CDH2: variants seen among roughly 807,000 people sequenced by gnomAD.
CDH2 encodes the protein cadherin-2.
A neutral mutation model predicts 92.0 loss-of-function variants in CDH2; 17 were observed. That is an observed-to-expected ratio of 0.18 (90% CI 0.13 to 0.28). CDH2 has a LOEUF of 0.28. Ranked by LOEUF, CDH2 falls within the 10% of genes least tolerant of loss-of-function variation. The probability of loss-of-function intolerance (pLI) is 1.00; values close to 1 mark genes in which losing one functional copy is unlikely to be tolerated. For synonymous variants in CDH2, 419 were observed against 415.9 expected (o/e 1.01, Z -0.09); for missense variants, 862 against 1,133.1 (o/e 0.76, Z 3.44).
intron 2 of CDH2, among the ~76,000 whole-genome samples, chr18:28,108,733 C>T (rs1323104894): frequency 6.6e-6 from 1 of 151,352 alleles, no homozygotes; most frequent in Non-Finnish European, 1.5e-5. Flanking sequence ...CTAGCCATTT[C>T]CTAAAGATGT....
intron 2 of CDH2, among the ~76,000 whole-genome samples, chr18:28,069,255 T>A (rs1425493118): frequency 6.6e-6 from 1 of 152,216 alleles, no homozygotes; most frequent in South Asian, 2.1e-4. Flanking sequence ...GGTTTGTTTA[T>A]GTAGAATTTG....
At chr18:28,110,111 G>C (rs573970082) in intron 2 of CDH2, among the ~76,000 whole-genome samples, 5 of 152,136 alleles carry the variant, frequency 3.3e-5, no homozygotes, top group Non-Finnish European at 7.3e-5. Flanking sequence ...TTAAGAACTT[G>C]GTGTTGCCCA....
At chr18:28,126,857 A>G (rs534377760) in intron 2 of CDH2, among the ~76,000 whole-genome samples, 4 of 152,336 alleles carry the variant, frequency 2.6e-5, no homozygotes, top group African/African-American at 9.6e-5. Context: ...AGTAGTCTCC[A>G]GAGAAACAGA....
chr18:28,012,488 A>G (rs148412452), intron 3 of CDH2, among the ~76,000 whole-genome samples: 5 of 152,286 alleles, frequency 3.3e-5, no homozygotes, highest in Non-Finnish European at 7.4e-5. Context: ...ATTATTCTAA[A>G]CCTATGTCAG....
intron 2 of CDH2, among the ~76,000 whole-genome samples, chr18:28,089,194 C>T (rs1381923091): frequency 6.6e-6 from 1 of 152,110 alleles, no homozygotes; most frequent in Non-Finnish European, 1.5e-5. Context: ...TTCAGAAAAA[C>T]CTAAATGCCA....
At chr18:28,022,661 A>T (rs192318676) in intron 2 of CDH2, among the ~76,000 whole-genome samples, 30 of 152,256 alleles carry the variant, frequency 2.0e-4, no homozygotes, top group Admixed American at 3.9e-4. Flanking sequence ...GACAAATGTA[A>T]TGTGGAAAGT....
At chr18:28,051,923 T>C (rs1389868695) in intron 2 of CDH2, among the ~76,000 whole-genome samples, 3 of 152,186 alleles carry the variant, frequency 2.0e-5, no homozygotes, top group African/African-American at 4.8e-5. Flanking sequence ...CCAGGTTGGA[T>C]AGCTATCAGA....
chr18:27,959,163 T>A (rs554872988), intron 15 of CDH2, among the ~76,000 whole-genome samples: 1 of 152,216 alleles, frequency 6.6e-6, no homozygotes, highest in Non-Finnish European at 1.5e-5. Context: ...ATGAATTTGT[T>A]TGAACTTTTC....
At chr18:28,176,841 G>A (rs2016551739) in intron 1 of CDH2, 122 bp downstream of exon 1, 4 of 373,686 alleles carry the variant, frequency 1.1e-5, no homozygotes, top group African/African-American at 8.9e-5. Flanking sequence ...GCGGCGCGGC[G>A]CGGCGTGGCA....
At position 28,028,423 on chromosome 18, in the gene CDH2, C is replaced by T. The variant is rs2013613820; in HGVS notation, c.173-14514G>A. On this transcript the variant is annotated intron_variant, in intron 2 of 15. Transcript: ENST00000269141. ...ATACCACACTAACTAAAATTAAAGTCCACTGGGCTATTAAACTACTAAACC... is the reference window on the plus strand; with the variant it reads ...ATACCACACTAACTAAAATTAAAGTTCACTGGGCTATTAAACTACTAAACC... Among the ~76,000 whole-genome samples the T allele has an allele frequency of 5.9e-5, 9 of 152,228 alleles. No individual in the cohort carries two copies. In the South Asian group the frequency reaches 1.9e-3, roughly 32 times the overall value.
At chr18:27,958,259 TA>T (rs769777351) in intron 15 of CDH2, among the ~76,000 whole-genome samples, 160 of 152,112 alleles carry the variant, frequency 1.1e-3, no homozygotes, top group Non-Finnish European at 1.3e-3. Context: ...AAACAGAAAT[TA>T]AAATTAATTA....
At chr18:28,159,475 T>A (rs1156821098) in intron 1 of CDH2, among the ~76,000 whole-genome samples, 1 of 152,164 alleles carries the variant, frequency 6.6e-6, no homozygotes, top group Non-Finnish European at 1.5e-5. Context: ...GGTTCAGAAT[T>A]CAAGACAGGG....
chr18:28,050,664 T>C (rs1244845412), intron 2 of CDH2, among the ~76,000 whole-genome samples: 5 of 152,136 alleles, frequency 3.3e-5, no homozygotes, highest in East Asian at 1.9e-4. Context: ...GCAGGCTGCA[T>C]AGAGGAGATA....
chr18:28,082,450 C>T (rs1161319707), intron 2 of CDH2, among the ~76,000 whole-genome samples: 4 of 152,118 alleles, frequency 2.6e-5, no homozygotes, highest in African/African-American at 9.7e-5. Flanking sequence ...GGCATGGATA[C>T]ATTCCTTCAC....
chr18:28,046,013 A>C (rs1358970152), intron 2 of CDH2, among the ~76,000 whole-genome samples: 1 of 152,152 alleles, frequency 6.6e-6, no homozygotes, highest in Non-Finnish European at 1.5e-5. Context: ...TTAAGAAAAC[A>C]CTCCATCAGA....
At chr18:27,960,110 C>T (rs1475680697) in intron 15 of CDH2, among the ~76,000 whole-genome samples, 1 of 151,950 alleles carries the variant, frequency 6.6e-6, no homozygotes, top group Non-Finnish European at 1.5e-5. Context: ...ATCCTTTCAT[C>T]CATTCACTTG....
At chr18:28,133,364 G>T (rs1344967958) in intron 2 of CDH2, among the ~76,000 whole-genome samples, 2 of 151,764 alleles carry the variant, frequency 1.3e-5, no homozygotes, top group South Asian at 2.1e-4. Flanking sequence ...CGGGTGGATC[G>T]TGAGGTCAGG....
Position 27,983,028 on chromosome 18 carries a change from G to T in CDH2, c.2265C>A (p.Ala755=). Residue 755 remains alanine (A), a synonymous_variant, in exon 14 of 16, where the codon GCC becomes GCA. Coordinates refer to ENST00000269141, the MANE Select transcript of CDH2 (RefSeq NM_001792.5). The stretch of plus-strand genomic sequence containing the variant: ...CTTCTGGATCAATTAAAAGTTGTTT[G>T]GCCTGGCGTTCTTTATCCCGGCGTT... ...WMKRRDKERQ[A]KQLLIDPEDD... 1 of 1,611,698 alleles carries T rather than the reference G, an allele frequency of 6.2e-7. No individual in the cohort carries two copies.
At chr18:28,040,678 G>T (rs2013931459) in intron 2 of CDH2, among the ~76,000 whole-genome samples, 1 of 152,184 alleles carries the variant, frequency 6.6e-6, no homozygotes, top group African/African-American at 2.4e-5. Context: ...CTTCAATGTA[G>T]AATTCTACAA....
Sources: allele counts gnomAD v4.1 joint callset (sites outside exome capture counted in the v4.1 genomes callset), GRCh38; gene constraint gnomAD v4.1.1; transcripts MANE v1.5; gene names NCBI Gene and HGNC (gene_info 2026-07-23, HGNC 2026-07-21).